The following KIF18B variants were observed in gnomAD, a reference collection of about 807,000 sequenced individuals.
The protein encoded by KIF18B is kinesin-like protein KIF18B.
KIF18B carries 49 observed loss-of-function variants against 80.9 expected under a neutral mutation model. The observed-to-expected ratio is 0.61, with a 90% confidence interval of 0.48 to 0.77. The LOEUF is 0.77. Among genes scored for constraint, KIF18B ranks in the 30% least tolerant of loss-of-function variants. The pLI is 0.00. For missense variants in KIF18B, 994 were observed against 1,127.7 expected, an observed-to-expected ratio of 0.88 and a Z score of 1.70; for synonymous variants, 439 against 463.9, an observed-to-expected ratio of 0.95 and a Z score of 0.69.
intron 1 of KIF18B, among the ~76,000 whole-genome samples, chr17:44,938,568 T>C (rs1156298709): frequency 6.6e-6 from 1 of 152,218 alleles, no homozygotes; most frequent in African/African-American, 2.4e-5. Flanking sequence ...ATTTTTTCTT[T>C]CTTACATTTA....
At chr17:44,938,569 C>A (rs986341580) in intron 1 of KIF18B, among the ~76,000 whole-genome samples, 2 of 152,010 alleles carry the variant, frequency 1.3e-5, no homozygotes, top group Non-Finnish European at 2.9e-5. Flanking sequence ...TTTTTTCTTT[C>A]TTACATTTAG....
At chr17:44,935,142 G>A in intron 3 of KIF18B, 117 bp downstream of exon 3, 1 of 1,122,900 alleles carries the variant, frequency 8.9e-7, no homozygotes, top group Non-Finnish European at 1.2e-6. Context: ...CTATCTCCTT[G>A]AGGGGTGCCA....
In KIF18B at chr17:44,934,493, A is replaced by G. The variant is rs191518571; in HGVS notation, c.687+14T>C. ...TCAGGGGCACTGGTTTCAGGCTCTG[A>G]CCCATGACCTCACCTGGAAGATGGC... is the stretch of plus-strand genomic sequence containing the variant. On this transcript the variant is annotated intron_variant, in intron 5 of 15. Coordinates refer to ENST00000593135, the MANE Select transcript of KIF18B (RefSeq NM_001265577.2). This position sits in a 1 kb window ranked among gnomAD's most constrained non-coding sequence, Gnocchi z 5.4. 2 of 1,609,234 alleles carry G rather than the reference A, an allele frequency of 1.2e-6. No homozygotes were observed. Among genetic ancestry groups the G allele is most frequent in the African/African-American group, 2.7e-5 (2 of 74,928 alleles).
chr17:44,941,050 G>A (rs927403036), intron 1 of KIF18B, among the ~76,000 whole-genome samples: 11 of 152,106 alleles, frequency 7.2e-5, no homozygotes, highest in African/African-American at 2.7e-4. Context: ...AATCTCACAA[G>A]ATGGATACTA....
chr17:44,934,342 T>A lies in KIF18B; in HGVS notation c.776A>T (p.Glu259Val). Residue 259 changes from glutamate (E) to valine (V), a missense_variant, in exon 6 of 16, where the codon GAG (glutamate) becomes GTG (valine). Glu to Val is a moderately radical substitution (Grantham distance 121). Transcript: ENST00000593135. This position sits in a 1 kb window ranked among gnomAD's most constrained non-coding sequence, Gnocchi z 5.4. ...KMSLIDLAGS[E>V]RASSTHAKGE... The stretch of plus-strand genomic sequence containing the variant: ...CTTCGCATGGGTGCTGGATGCCCGC[T>A]CTGAGCCAGCCAGGTCAATCAGGCT... 6.2e-7 allele frequency: 1 copy of A among 1,608,576 alleles called. No homozygotes were observed. The highest frequency in any genetic ancestry group is 1.1e-5 in the South Asian group (1 of 90,012).
rs1433564764 is a variant in KIF18B, at chr17:44,928,556, G to C, written c.1746C>G (p.Cys582Trp). The change falls in exon 13 of 16, where the codon TGC becomes TGG. Residue 582 changes from cysteine to tryptophan, a missense_variant. Transcript: ENST00000593135. ...GGCCAGTGTATCCTGGAGGCTCTGG[G>C]CAGAGAGGAGACGGCACAGGGACTG... The part of the protein sequence containing the change: ...SESIPVPSPL[C>W]PEPPGYTGPV... 1.4e-6 allele frequency: 2 copies of C among 1,453,224 alleles called. No homozygotes were observed. The highest frequency in any genetic ancestry group is 2.9e-5 in the African/African-American group (2 of 70,032). The allele number at this position is 1,453,224 out of a possible 1,614,324, so 90.0% of individuals were successfully genotyped here.
intron 3 of KIF18B, 33 bp downstream of exon 3, chr17:44,935,226 G>T: frequency 6.4e-7 from 1 of 1,555,256 alleles, no homozygotes; most frequent in South Asian, 1.2e-5. Flanking sequence ...CCGGGTGGTT[G>T]TGAGAACAAG....
At chr17:44,938,973 G>A (rs1413336577) in intron 1 of KIF18B, among the ~76,000 whole-genome samples, 1 of 152,026 alleles carries the variant, frequency 6.6e-6, no homozygotes, top group Non-Finnish European at 1.5e-5. Flanking sequence ...GAACCTGGGA[G>A]GTAGAGGTTG....
At position 44,932,139 on chromosome 17, in the gene KIF18B, C is replaced by G. The variant is rs757818902; in HGVS notation, c.1306G>C (p.Ala436Pro). 6.2e-7 allele frequency: 1 copy of G among 1,613,860 alleles called. No individual in the cohort carries two copies. Among genetic ancestry groups the G allele is most frequent in the South Asian group, 1.1e-5 (1 of 91,030 alleles). Reference sequence around the variant, plus strand: ...CCTTCCATGGCCCTCTCCACCTGGGCCTCCATCCCCAGACTCTCCTCTTGA... The same window carrying G: ...CCTTCCATGGCCCTCTCCACCTGGGGCTCCATCCCCAGACTCTCCTCTTGA... ...ALQEESLGME[A>P]QVERAMEGNS... The change falls in exon 10 of 16, where the codon GCC (alanine) becomes CCC (proline). Residue 436 changes from alanine (A) to proline (P), a missense_variant. Ala to Pro is a conservative substitution (Grantham distance 27, BLOSUM62 -1). Transcript: ENST00000593135.
intron 1 of KIF18B, among the ~76,000 whole-genome samples, chr17:44,943,430 G>C (rs1355238250): frequency 1.3e-5 from 2 of 151,976 alleles, no homozygotes; most frequent in Non-Finnish European, 1.5e-5. Context: ...ACAATCATAA[G>C]GCTGTAATTG....
At chr17:44,937,974 CCATA>C (rs1161958984) in intron 1 of KIF18B, among the ~76,000 whole-genome samples, 4 of 124,882 alleles carry the variant, frequency 3.2e-5, no homozygotes, top group Non-Finnish European at 6.5e-5. Flanking sequence ...TTCAGCATCT[CCATA>C]CACACACACA....
chr17:44,927,885 A>T lies in KIF18B; in HGVS notation c.2276+141T>A. 1 of 754,648 alleles carries T rather than the reference A, an allele frequency of 1.3e-6. No homozygotes were observed. The highest frequency in any genetic ancestry group is 3.1e-5 in the East Asian group (1 of 32,336). The allele number at this position is 754,648 out of a possible 1,614,324, so 46.7% of individuals were successfully genotyped here. ...TGGCAGCTGTTGGGCCTGGGGAGCA[A>T]AGCGGATCACAACCAAAGTGGAACA... is the stretch of plus-strand genomic sequence containing the variant. On this transcript the variant is annotated intron_variant, in intron 13 of 15. Coordinates refer to ENST00000593135, the MANE Select transcript of KIF18B (RefSeq NM_001265577.2). The surrounding 1 kb of genome is among the most constrained non-coding windows in gnomAD (Gnocchi z 4.1).
chr17:44,928,715 G>T, intron 12 of KIF18B, 104 bp downstream of exon 12: 1 of 1,408,824 alleles, frequency 7.1e-7, no homozygotes, highest in Non-Finnish European at 9.5e-7. Flanking sequence ...GCCTCCTACA[G>T]CAGCAAAACC....
chr17:44,941,934 T>C (rs2052428350), intron 1 of KIF18B, among the ~76,000 whole-genome samples: 1 of 152,154 alleles, frequency 6.6e-6, no homozygotes, highest in Non-Finnish European at 1.5e-5. Context: ...AATGAGATGT[T>C]TTCCTTCTTG....
chr17:44,943,420 A>G (rs912025039), intron 1 of KIF18B, among the ~76,000 whole-genome samples: 1 of 152,036 alleles, frequency 6.6e-6, no homozygotes. Context: ...TTTTAAATAG[A>G]CAATCATAAG....
intron 1 of KIF18B, among the ~76,000 whole-genome samples, chr17:44,937,796 G>A (rs866273188): frequency 8.5e-5 from 13 of 152,100 alleles, no homozygotes; most frequent in South Asian, 2.1e-4. Flanking sequence ...TAATAATGAT[G>A]ATAATGTGCA....
intron 15 of KIF18B, 39 bp from the exon 16 acceptor site, chr17:44,926,225 G>A (rs1950731265): frequency 6.2e-7 from 1 of 1,611,612 alleles, no homozygotes; most frequent in African/African-American, 1.3e-5. Flanking sequence ...AGTGCAGCGA[G>A]GAAGGAAAGT....
chr17:44,926,752 G>A (rs2052035416), intron 14 of KIF18B, among the ~76,000 whole-genome samples: 1 of 152,132 alleles, frequency 6.6e-6, no homozygotes, highest in Non-Finnish European at 1.5e-5. Context: ...CTCCCTCATG[G>A]ATAAATGGGT....
chr17:44,926,403 G>T lies in KIF18B; in HGVS notation c.2452+11C>A. ...ATGGCCCAGGCTATCCCTGTCCCTA[G>T]TGCCAGTCACCTGGGAGTACAAGGG... is the stretch of plus-strand genomic sequence containing the variant. On this transcript the variant is annotated intron_variant, in intron 15 of 15. Transcript: ENST00000593135. 1 of 1,565,598 alleles carries T rather than the reference G, an allele frequency of 6.4e-7. No homozygotes were observed. The highest frequency in any genetic ancestry group is 2.4e-5 in the East Asian group (1 of 42,164).
Sources: gnomAD v4.1 joint callset for allele counts (sites outside exome capture counted in the v4.1 genomes callset) on GRCh38, gnomAD v4.1.1 for gene constraint, Gnocchi (gnomAD v3.1) non-coding constraint, MANE v1.5 for transcripts, NCBI Gene and HGNC (gene_info 2026-07-23, HGNC 2026-07-21) for gene names.